FHIT: variants seen among roughly 807,000 people sequenced by gnomAD.
The protein encoded by FHIT is fragile histidine triad diadenosine triphosphatase, also known as bis(5'-adenosyl)-triphosphatase.
A neutral mutation model predicts 17.9 loss-of-function variants in FHIT; 19 were observed. That is an observed-to-expected ratio of 1.06 (90% CI 0.74 to 1.56). The LOEUF is 1.56. Among genes scored for constraint, FHIT ranks in the 40% most tolerant of loss-of-function variants. FHIT has a pLI of 0.00. For synonymous variants in FHIT, 81 were observed against 69.7 expected, an observed-to-expected ratio of 1.16 and a Z score of -0.81; for missense variants, 248 against 189.2, an observed-to-expected ratio of 1.31 and a Z score of -1.82.
At chr3:59,766,151 T>C (rs1197876346) in intron 8 of FHIT, among the ~76,000 whole-genome samples, 4 of 152,180 alleles carry the variant, frequency 2.6e-5, no homozygotes, top group Non-Finnish European at 4.4e-5. Context: ...AGCAAAATCA[T>C]AGGTTTTGTT....
intron 5 of FHIT, among the ~76,000 whole-genome samples, chr3:60,040,806 G>A (rs1480404455): frequency 6.6e-6 from 1 of 152,074 alleles, no homozygotes; most frequent in African/African-American, 2.4e-5. Flanking sequence ...TACTGCTGAG[G>A]GGAATGACAT....
intron 3 of FHIT, among the ~76,000 whole-genome samples, chr3:60,991,790 CTGT>C (rs35971675): frequency 0.47 from 70,979 of 151,462 alleles, 19,991 homozygotes; most frequent in East Asian, 0.65. Context: ...ATAATAATAG[CTGT>C]TGTTGTTATT....
intron 4 of FHIT, among the ~76,000 whole-genome samples, chr3:60,796,421 T>A (rs1266071828): frequency 1.3e-5 from 2 of 152,218 alleles, no homozygotes; most frequent in Admixed American, 1.3e-4. Flanking sequence ...TTTTTAAATA[T>A]TCAGGTGTTA....
chr3:59,851,282 A>C (rs1575588680), intron 8 of FHIT, among the ~76,000 whole-genome samples: 1 of 152,214 alleles, frequency 6.6e-6, no homozygotes, highest in African/African-American at 2.4e-5. Flanking sequence ...CTCATTAGCT[A>C]CTGGTTAAAT....
intron 5 of FHIT, among the ~76,000 whole-genome samples, chr3:60,394,313 T>C (rs539875534): frequency 6.6e-6 from 1 of 152,314 alleles, no homozygotes; most frequent in Admixed American, 6.5e-5. Context: ...CCACTCTCTA[T>C]GCAATTTCAG....
At chr3:60,200,585 T>C (rs1167403208) in intron 5 of FHIT, among the ~76,000 whole-genome samples, 1 of 151,958 alleles carries the variant, frequency 6.6e-6, no homozygotes, top group Non-Finnish European at 1.5e-5. Flanking sequence ...CTACAGGGCA[T>C]CCATGCTTTG....
intron 5 of FHIT, among the ~76,000 whole-genome samples, chr3:60,434,124 C>T (rs1385895835): frequency 6.6e-6 from 1 of 151,952 alleles, no homozygotes; most frequent in Non-Finnish European, 1.5e-5. Context: ...TTTATTATAC[C>T]ATATTCAACC....
At chr3:60,278,619 A>C (rs1428911146) in intron 5 of FHIT, among the ~76,000 whole-genome samples, 5 of 152,128 alleles carry the variant, frequency 3.3e-5, no homozygotes, top group African/African-American at 1.2e-4. Context: ...GACAACAGGG[A>C]AGACAAAAAA....
At chr3:61,171,630 C>T (rs1560039231) in intron 2 of FHIT, among the ~76,000 whole-genome samples, 2 of 152,338 alleles carry the variant, frequency 1.3e-5, no homozygotes, top group South Asian at 4.1e-4. Context: ...CCTCACTACT[C>T]CCAGCCTGTG....
intron 3 of FHIT, among the ~76,000 whole-genome samples, chr3:61,018,116 T>C (rs1298891933): frequency 6.6e-6 from 1 of 152,180 alleles, no homozygotes; most frequent in Admixed American, 6.5e-5. Context: ...TCCATTTAGG[T>C]AAGTACTTCT....
intron 4 of FHIT, among the ~76,000 whole-genome samples, chr3:60,635,813 T>C (rs2039569608): frequency 1.3e-5 from 2 of 152,132 alleles, no homozygotes; most frequent in Non-Finnish European, 2.9e-5. Context: ...GGCAAACTTT[T>C]CCCTTAAACG....
At chr3:60,813,125 G>T (rs1701625652) in intron 4 of FHIT, among the ~76,000 whole-genome samples, 1 of 151,330 alleles carries the variant, frequency 6.6e-6, no homozygotes, top group African/African-American at 2.4e-5. Context: ...AAGAAAGTAG[G>T]TTTGTTATCA....
chr3:60,742,884 A>T (rs1363561427), intron 4 of FHIT, among the ~76,000 whole-genome samples: 7 of 152,212 alleles, frequency 4.6e-5, no homozygotes, highest in African/African-American at 1.7e-4. Context: ...AGAGATGGAG[A>T]TGGAAAAGTA....
intron 5 of FHIT, among the ~76,000 whole-genome samples, chr3:60,319,328 A>G (rs550359116): frequency 6.6e-6 from 1 of 152,214 alleles, no homozygotes; most frequent in South Asian, 2.1e-4. Context: ...CCCGACTAGT[A>G]TGGCAGAACA....
At chr3:60,976,525 CATA>C (rs1407001041) in intron 3 of FHIT, among the ~76,000 whole-genome samples, 1 of 152,084 alleles carries the variant, frequency 6.6e-6, no homozygotes, top group Non-Finnish European at 1.5e-5. Context: ...AGGAATGAAA[CATA>C]ATGTCACAGG....
chr3:59,995,120 C>A (rs768020478), intron 7 of FHIT, among the ~76,000 whole-genome samples: 1 of 151,896 alleles, frequency 6.6e-6, no homozygotes, highest in Non-Finnish European at 1.5e-5. Flanking sequence ...CTCTGTTCAT[C>A]CCTTCTGACA....
intron 5 of FHIT, among the ~76,000 whole-genome samples, chr3:60,143,141 A>G (rs183623769): frequency 9.0e-4 from 137 of 152,292 alleles, no homozygotes; most frequent in African/African-American, 3.2e-3. Flanking sequence ...AGAGGCCGAG[A>G]ACATAAGGAA....
At chr3:59,989,569 C>G (rs1348340588) in intron 7 of FHIT, among the ~76,000 whole-genome samples, 1 of 152,034 alleles carries the variant, frequency 6.6e-6, no homozygotes, top group Non-Finnish European at 1.5e-5. Flanking sequence ...ATATAAAACA[C>G]AGTATAAAGA....
Position 60,608,181 on chromosome 3 carries a change from A to G in FHIT, c.-17-71202T>C, listed in dbSNP as rs76893872. ...TCACTCTCACCCTCTTTCTTTCCCT[A>G]TCTAATTTTCTCTCCTTTCTCTCTC... On this transcript the variant is annotated intron_variant, in intron 4 of 9. Transcript: ENST00000492590. 3.4e-3 allele frequency among the ~76,000 whole-genome samples: 516 copies of G among 152,054 alleles called. 4 individuals are homozygous for G. Among genetic ancestry groups the G allele is most frequent in the African/African-American group, 0.012 (492 of 41,450 alleles).
Sources: gnomAD v4.1 joint callset for allele counts (sites outside exome capture counted in the v4.1 genomes callset) on GRCh38, gnomAD v4.1.1 for gene constraint, MANE v1.5 for transcripts, NCBI Gene and HGNC (gene_info 2026-07-23, HGNC 2026-07-21) for gene names.